The following RAD54L2 variants were observed in gnomAD, a reference collection of about 807,000 sequenced individuals.
RAD54L2 encodes the protein RAD54 like 2.
A neutral mutation model predicts 138.4 loss-of-function variants in RAD54L2; 27 were observed. That is an observed-to-expected ratio of 0.20 (90% CI 0.14 to 0.27). RAD54L2 has a LOEUF of 0.27. Among genes scored for constraint, RAD54L2 ranks in the 10% least tolerant of loss-of-function variants. The pLI, the probability that RAD54L2 is intolerant of heterozygous loss-of-function variation, is 1.00. For missense variants in RAD54L2, 1,396 were observed against 1,890.2 expected (o/e 0.74, Z 4.85); for synonymous variants, 644 against 723.2 (o/e 0.89, Z 1.76).
At chr3:51,560,930 G>A (rs1699082690) in intron 2 of RAD54L2, among the ~76,000 whole-genome samples, 1 of 152,216 alleles carries the variant, frequency 6.6e-6, no homozygotes, top group African/African-American at 2.4e-5. Context: ...TAAGTAGCTT[G>A]CTGAAGCTCA....
At position 51,663,669 on chromosome 3, in the gene RAD54L2, A is replaced by G; in HGVS notation, c.*249A>G. On this transcript the variant is annotated 3_prime_UTR_variant, in exon 23 of 23. Coordinates refer to ENST00000684192, the MANE Select transcript of RAD54L2 (RefSeq NM_015106.4). Reference sequence around the variant, plus strand: ...AATCAGGGACCCAAAACAGGGATGGAGGGGCAGTGCAGCCTCTTTTCCTTC... The same window carrying G: ...AATCAGGGACCCAAAACAGGGATGGGGGGGCAGTGCAGCCTCTTTTCCTTC... 2.1e-6 allele frequency: 1 copy of G among 480,866 alleles called. No homozygotes were observed. The allele number at this position is 480,866 out of a possible 1,614,324, so 29.8% of individuals were successfully genotyped here.
chr3:51,627,610 A>C lies in RAD54L2; in HGVS notation c.197A>C (p.Gln66Pro). ...TEHAQLGEDG[Q>P]QPPRCTSTTS... ...CATGCCCAGTTGGGAGAAGATGGGC[A>C]GCAGCCGCCGCGGTGCACTTCAACT... The change falls in exon 4 of 23, where the codon CAG becomes CCG. Residue 66 changes from glutamine (Q) to proline (P), a missense_variant. Gln to Pro is a moderately conservative substitution (Grantham distance 76). This residue lies in a region of RAD54L2 where 256 missense variants were observed against 344.6 expected (regional missense o/e 0.74). Coordinates refer to ENST00000684192, the MANE Select transcript of RAD54L2 (RefSeq NM_015106.4). 6.4e-7 allele frequency: 1 copy of C among 1,562,250 alleles called. No homozygotes were observed. The highest frequency in any genetic ancestry group is 8.7e-7 in the Non-Finnish European group (1 of 1,153,898).
chr3:51,660,841 C>A (rs757254182), intron 22 of RAD54L2, among the ~76,000 whole-genome samples: 3 of 148,236 alleles, frequency 2.0e-5, no homozygotes, highest in African/African-American at 7.5e-5. Flanking sequence ...AGGCTGGTCT[C>A]GAACTCCTGA....
At chr3:51,654,617 C>T (rs1701550971) in intron 19 of RAD54L2, among the ~76,000 whole-genome samples, 1 of 152,200 alleles carries the variant, frequency 6.6e-6, no homozygotes, top group African/African-American at 2.4e-5. Context: ...TCTTTTCCTC[C>T]ACCCATTCCT....
rs1433337646 is a variant in RAD54L2 at position 51,662,551 on chromosome 3, C to T, written c.3535C>T (p.Leu1179Phe). Reference sequence around the variant, plus strand: ...TGACAGCCCAGAGATCATCAGTGAGCTTCAGCAGTATGCAGATGTGGCTGC... The same window carrying T: ...TGACAGCCCAGAGATCATCAGTGAGTTTCAGCAGTATGCAGATGTGGCTGC... ...SPDSPEIISE[L>F]QQYADVAAAR... The change falls in exon 23 of 23, where the codon CTT becomes TTT. Residue 1179 changes from leucine to phenylalanine, a missense_variant. By Grantham distance (22) the Leu-to-Phe change is conservative. Around this residue, in one of 7 missense-constraint regions of RAD54L2, gnomAD observed 634 missense variants for 711.2 expected, o/e 0.89. Coordinates refer to ENST00000684192, the MANE Select transcript of RAD54L2 (RefSeq NM_015106.4). The surrounding 1 kb of genome is among the most constrained non-coding windows in gnomAD (Gnocchi z 4.6). The T allele has an allele frequency of 6.2e-7, 1 of 1,613,752 alleles. No homozygotes were observed. Among genetic ancestry groups the T allele is most frequent in the East Asian group, 2.2e-5 (1 of 44,886 alleles).
chr3:51,591,878 A>T (rs548035133), intron 3 of RAD54L2, among the ~76,000 whole-genome samples: 42 of 152,176 alleles, frequency 2.8e-4, no homozygotes, highest in African/African-American at 9.4e-4. Context: ...ATATATACAC[A>T]CTATCTTCCC....
chr3:51,594,071 T>TC (rs1313866117), intron 3 of RAD54L2, among the ~76,000 whole-genome samples: 1 of 141,214 alleles, frequency 7.1e-6, no homozygotes, highest in Non-Finnish European at 1.5e-5. Context: ...TTTTTCTTTT[T>TC]TTTTTTTTTT....
At chr3:51,648,148 C>T (rs1372423974) in intron 19 of RAD54L2, among the ~76,000 whole-genome samples, 2 of 152,208 alleles carry the variant, frequency 1.3e-5, no homozygotes, top group Admixed American at 1.3e-4. Context: ...GATTATATCC[C>T]GCACCTGTCT....
chr3:51,573,856 A>T (rs551765018), intron 2 of RAD54L2, among the ~76,000 whole-genome samples: 1 of 152,108 alleles, frequency 6.6e-6, no homozygotes, highest in Non-Finnish European at 1.5e-5. Context: ...ATTTATTTTT[A>T]AAAATTATAC....
At chr3:51,594,002 TCCATCCC>T (rs1699898192) in intron 3 of RAD54L2, among the ~76,000 whole-genome samples, 1 of 151,800 alleles carries the variant, frequency 6.6e-6, no homozygotes, top group East Asian at 1.9e-4. Context: ...AAGCTTTAGC[TCCATCCC>T]CCCATAAGCA....
rs751400297 is a variant in RAD54L2, at chr3:51,627,775, G to A, written c.341+21G>A. The A allele has an allele frequency of 3.1e-6, 5 of 1,611,868 alleles. No homozygotes were observed. In the African/African-American group the frequency reaches 6.7e-5, roughly 22 times the overall value. On this transcript the variant is annotated intron_variant, in intron 4 of 22. Transcript: ENST00000684192. ...ATACGGTGAGCTGTGCTCTGTGTAAGAGGAGAGGGAAAGGAATAGAGATTT... is the reference window on the plus strand; with the variant it reads ...ATACGGTGAGCTGTGCTCTGTGTAAAAGGAGAGGGAAAGGAATAGAGATTT...
chr3:51,575,008 T>G (rs1232315332), intron 2 of RAD54L2, among the ~76,000 whole-genome samples: 1 of 152,210 alleles, frequency 6.6e-6, no homozygotes, highest in Non-Finnish European at 1.5e-5. Context: ...TAATCCATCT[T>G]GAATTAATTT....
At chr3:51,601,338 C>T (rs965910486) in intron 3 of RAD54L2, among the ~76,000 whole-genome samples, 10 of 142,114 alleles carry the variant, frequency 7.0e-5, no homozygotes, top group African/African-American at 1.6e-4. Flanking sequence ...GAGGGAGTCT[C>T]GCTATGTCCC....
intron 14 of RAD54L2, 31 bp from the exon 15 acceptor site, chr3:51,641,718 A>C (rs1559649031): frequency 1.4e-6 from 2 of 1,417,874 alleles, no homozygotes; most frequent in Non-Finnish European, 9.8e-7. Context: ...CAATTCTGGG[A>C]GCCATCTGAA....
At chr3:51,554,219 T>C (rs1698910323) in intron 2 of RAD54L2, among the ~76,000 whole-genome samples, 1 of 152,016 alleles carries the variant, frequency 6.6e-6, no homozygotes, top group South Asian at 2.1e-4. Context: ...ATACAAAAAT[T>C]AGCCGGGTGT....
chr3:51,637,071 G>C lies in RAD54L2; in HGVS notation c.1340-90G>C, dbSNP rs766606635. 2.5e-5 allele frequency: 29 copies of C among 1,149,328 alleles called. No individual in the cohort carries two copies. The highest frequency in any genetic ancestry group is 3.5e-5 in the Non-Finnish European group (28 of 796,148). The allele number at this position is 1,149,328 out of a possible 1,614,324, so 71.2% of individuals were successfully genotyped here. On this transcript the variant is annotated intron_variant, in intron 10 of 22. Coordinates refer to ENST00000684192, the MANE Select transcript of RAD54L2 (RefSeq NM_015106.4). This position sits in a 1 kb window ranked among gnomAD's most constrained non-coding sequence, Gnocchi z 5.9. ...CTTTCCTGCTTCCTTCATTTCTTCT[G>C]TCTCCTCCAGGGTGCACCCCTACTT...
At chr3:51,644,281 CA>C (rs1336648189) in intron 16 of RAD54L2, among the ~76,000 whole-genome samples, 1 of 151,976 alleles carries the variant, frequency 6.6e-6, no homozygotes, top group Admixed American at 6.6e-5. Flanking sequence ...CTTGTCTGTA[CA>C]AAAAATCAAA....
At chr3:51,557,711 TGCTAGCTACTTGGAAG>T (rs896745170) in intron 2 of RAD54L2, among the ~76,000 whole-genome samples, 4 of 150,834 alleles carry the variant, frequency 2.7e-5, no homozygotes, top group African/African-American at 9.8e-5. Flanking sequence ...GCGCCTGTAA[TGCTAGCTACTTGGAAG>T]GCTGAGGCAG....
At position 51,643,864 on chromosome 3, in the gene RAD54L2, T is replaced by C; in HGVS notation, c.2351-11T>C. 1 of 1,590,254 alleles carries C rather than the reference T, an allele frequency of 6.3e-7. No individual in the cohort carries two copies. On this transcript the variant is annotated splice_polypyrimidine_tract_variant and intron_variant, in intron 15 of 22. Coordinates refer to ENST00000684192, the MANE Select transcript of RAD54L2 (RefSeq NM_015106.4). ...ATATATCCACTGCTTATGGTTTTCCTTCCTTCCTAGGGCTAGATGGTAGCA... is the reference window on the plus strand; with the variant it reads ...ATATATCCACTGCTTATGGTTTTCCCTCCTTCCTAGGGCTAGATGGTAGCA...
Sources: allele counts gnomAD v4.1 joint callset (sites outside exome capture counted in the v4.1 genomes callset), GRCh38; gene constraint gnomAD v4.1.1; regional missense constraint gnomAD v4.1.1; non-coding constraint Gnocchi (gnomAD v3.1); transcripts MANE v1.5; gene names NCBI Gene and HGNC (gene_info 2026-07-23, HGNC 2026-07-21).